The following TPP1 variants were observed in gnomAD, a reference collection of about 807,000 sequenced individuals.
The protein encoded by TPP1 is tripeptidyl-peptidase 1.
Under a neutral mutation model 67.6 loss-of-function variants are expected in TPP1, and 43 were observed. The ratio of observed to expected loss-of-function variants is 0.64; its 90% CI spans 0.50 to 0.82. The LOEUF is 0.82. Ranked by LOEUF, TPP1 falls within the 40% of genes least tolerant of loss-of-function variation. The probability of loss-of-function intolerance (pLI) is 0.00; values close to 1 mark genes in which losing one functional copy is unlikely to be tolerated. For missense variants in TPP1, 671 were observed against 710.9 expected, an observed-to-expected ratio of 0.94 and a Z score of 0.64; for synonymous variants, 272 against 281.5, an observed-to-expected ratio of 0.97 and a Z score of 0.34.
rs781773805 is a variant in TPP1 at position 6,616,406 on chromosome 11, A to G, written c.984T>C (p.Asp328=). ...TGTAGGCGCTGCTGAGGGAGTCCTC[A>G]TCATCTCCATAGCTCACAGTATGCA... ...PHVHTVSYGD[D]EDSLSSAYIQ... Residue 328 remains aspartate, a synonymous_variant, in exon 8 of 13, where the codon GAT becomes GAC. Transcript: ENST00000299427. The G allele has an allele frequency of 6.2e-7, 1 of 1,613,820 alleles. No individual in the cohort carries two copies. The highest frequency in any genetic ancestry group is 8.5e-7 in the Non-Finnish European group (1 of 1,180,016).
rs752605389 is a variant in TPP1 at position 6,618,741 on chromosome 11, G to A, written c.229+35C>T. On this transcript the variant is annotated intron_variant, in intron 3 of 12. Transcript: ENST00000299427. ...CAACCCAGCCCTGTGTCCCTCCACCGCATCCCACATCCTGTCCTCAGTCCC... is the reference window on the plus strand; with the variant it reads ...CAACCCAGCCCTGTGTCCCTCCACCACATCCCACATCCTGTCCTCAGTCCC... 23 of 1,611,580 alleles carry A rather than the reference G, an allele frequency of 1.4e-5. No individual in the cohort carries two copies. In the East Asian group the frequency reaches 2.9e-4, roughly 20 times the overall value.
intron 2 of TPP1, 132 bp downstream of exon 2, chr11:6,619,064 G>A (rs1392420997): frequency 6.8e-7 from 1 of 1,469,004 alleles, no homozygotes; most frequent in Non-Finnish European, 9.4e-7. Context: ...GGGGACTGAG[G>A]CTAGGAACAT....
Position 6,617,657 on chromosome 11 carries a change from G to C in TPP1, c.349C>G (p.Gln117Glu). 6.2e-7 allele frequency: 1 copy of C among 1,614,186 alleles called. No homozygotes were observed. Residue 117 changes from glutamine to glutamate, a missense_variant, in exon 4 of 13, where the codon CAG (glutamine) becomes GAG (glutamate). Physicochemically the swap from Gln to Glu is conservative, Grantham distance 29. Transcript: ENST00000299427. ...CTCAGCCAGCAAGTCAGAAAGTCCT[G>C]TGTGATCACAGAATGGCACTTCTGG... ...GAQKCHSVITQDFLTCWLSIR... is the reference protein window; with the variant it reads ...GAQKCHSVITEDFLTCWLSIR...
rs763492759 is a variant in TPP1, at chr11:6,615,560, G to T, written c.1148C>A (p.Pro383His). The T allele has an allele frequency of 6.2e-7, 1 of 1,614,142 alleles. No individual in the cohort carries two copies. The highest frequency in any genetic ancestry group is 1.1e-5 in the South Asian group (1 of 91,074). The change falls in exon 10 of 13, where the codon CCC (proline) becomes CAC (histidine). Residue 383 changes from proline (P) to histidine (H), a missense_variant and splice_region_variant. Coordinates refer to ENST00000299427, the MANE Select transcript of TPP1 (RefSeq NM_000391.4). ...QFRPTFPASS[P>H]YVTTVGGTSF... ...TGTGCCTCCCACTGTGGTGACATAGGGGCTGAGGGGAGAAGACAGCATTTG... is the reference window on the plus strand; with the variant it reads ...TGTGCCTCCCACTGTGGTGACATAGTGGCTGAGGGGAGAAGACAGCATTTG...
intron 11 of TPP1, 73 bp downstream of exon 11, chr11:6,615,098 G>C: frequency 1.2e-6 from 2 of 1,613,820 alleles, no homozygotes; most frequent in Middle Eastern, 1.6e-4. Context: ...GGGGTTCTAG[G>C]TGCAAGGTGT....
rs765561379 is a variant in TPP1, at chr11:6,615,401, C to T, written c.1266+41G>A. 4.3e-6 allele frequency: 7 copies of T among 1,614,176 alleles called. No homozygotes were observed. The East Asian group carries it at 1.1e-4, about 26-fold the overall frequency. Reference sequence around the variant, plus strand: ...GTCAGCTGAACTGAGGATCCCCCATCCTCACTCTTACCCTGCATCCATCCA... The same window carrying T: ...GTCAGCTGAACTGAGGATCCCCCATTCTCACTCTTACCCTGCATCCATCCA... On this transcript the variant is annotated intron_variant, in intron 10 of 12. Coordinates refer to ENST00000299427, the MANE Select transcript of TPP1 (RefSeq NM_000391.4).
rs1232640261 is a variant in TPP1 at position 6,614,376 on chromosome 11, T to G, written c.*170A>C. On this transcript the variant is annotated 3_prime_UTR_variant, in exon 13 of 13. Transcript: ENST00000299427. ...AGGGAGACCTGAGTATGATGGAGCA[T>G]GGTAGGGTTGGGAGTCAAGTCAAGC... The G allele has an allele frequency of 1.3e-5, 11 of 834,304 alleles. No individual in the cohort carries two copies. Among genetic ancestry groups the G allele is most frequent in the Non-Finnish European group, 1.9e-5 (10 of 525,598 alleles). The allele number at this position is 834,304 out of a possible 1,614,324, so 51.7% of individuals were successfully genotyped here.
chr11:6,617,161 G>A lies in TPP1; in HGVS notation c.509-8C>T, dbSNP rs771299096. 6.2e-7 allele frequency: 1 copy of A among 1,613,972 alleles called. No homozygotes were observed. The highest frequency in any genetic ancestry group is 1.3e-5 in the African/African-American group (1 of 74,880). On this transcript the variant is annotated splice_region_variant and splice_polypyrimidine_tract_variant and intron_variant, in intron 5 of 12. Transcript: ENST00000299427. Reference sequence around the variant, plus strand: ...AACGGTGCAGTCCCCCCACTGTAGGGAGAAGTCAGGCTTGAGGAGATCTTA... The same window carrying A: ...AACGGTGCAGTCCCCCCACTGTAGGAAGAAGTCAGGCTTGAGGAGATCTTA...
At position 6,618,878 on chromosome 11, in the gene TPP1, G is replaced by C. The variant is rs1314595290; in HGVS notation, c.127C>G (p.Pro43Ala). Residue 43 changes from proline to alanine, a missense_variant, in exon 3 of 13, where the codon CCT (proline) becomes GCT (alanine). Pro to Ala is a conservative substitution (Grantham distance 27, BLOSUM62 -1). Transcript: ENST00000299427. ...PGWVSLGRAD[P>A]EEELSLTFAL... ...AAGGTGAGACTCAGCTCTTCCTCAG[G>C]GTCCGCACGGCCCAGGGACACCCAG... The C allele has an allele frequency of 6.2e-7, 1 of 1,613,722 alleles. No individual in the cohort carries two copies. Among genetic ancestry groups the C allele is most frequent in the Non-Finnish European group, 8.5e-7 (1 of 1,180,042 alleles).
At chr11:6,616,566 G>T in intron 7 of TPP1, 63 bp from the exon 8 acceptor site, 1 of 1,601,540 alleles carries the variant, frequency 6.2e-7, no homozygotes. Flanking sequence ...GGGGTTGTCA[G>T]GATCTCTCTC....
chr11:6,617,001 T>C lies in TPP1; in HGVS notation c.661A>G (p.Ser221Gly), dbSNP rs770118313. The C allele has an allele frequency of 6.2e-7, 1 of 1,614,142 alleles. No homozygotes were observed. Among genetic ancestry groups the C allele is most frequent in the South Asian group, 1.1e-5 (1 of 91,082 alleles). Residue 221 changes from serine (S) to glycine (G), a missense_variant, in exon 6 of 13, where the codon AGC (serine) becomes GGC (glycine). By Grantham distance (56) the Ser-to-Gly change is moderately conservative. Coordinates refer to ENST00000299427, the MANE Select transcript of TPP1 (RefSeq NM_000391.4). ...TGGGCACAGGCTTGGCTGTTATTGC[T>C]GGTGCCAGAGCCCACGTCTTGTGAG... ...LTSQDVGSGTSNNSQACAQFL... is the reference protein window; with the variant it reads ...LTSQDVGSGTGNNSQACAQFL...
rs1201568521 is a variant in TPP1 at position 6,615,454 on chromosome 11, C to T, written c.1254G>A (p.Arg418=). Residue 418 remains arginine, a synonymous_variant, in exon 10 of 13, where the codon CGG becomes CGA. Coordinates refer to ENST00000299427, the MANE Select transcript of TPP1 (RefSeq NM_000391.4). ...SGGGFSNVFP[R]PSYQEEAVTK... ...CAAACACACGTACCTGGTATGAAGGCCGTGGGAACACATTGCTGAAGCCAC... is the reference window on the plus strand; with the variant it reads ...CAAACACACGTACCTGGTATGAAGGTCGTGGGAACACATTGCTGAAGCCAC... The T allele has an allele frequency of 1.5e-5, 24 of 1,614,086 alleles. No homozygotes were observed. Among genetic ancestry groups the T allele is most frequent in the African/African-American group, 2.7e-5 (2 of 74,916 alleles).
At chr11:6,615,367 T>G (rs1467234603) in intron 10 of TPP1, 38 bp from the exon 11 acceptor site, 4 of 1,614,054 alleles carry the variant, frequency 2.5e-6, no homozygotes, top group Non-Finnish European at 3.4e-6. Context: ...GCATGTGGCC[T>G]GCCCAGCAGT....
chr11:6,616,245 A>G, intron 8 of TPP1, 70 bp downstream of exon 8: 1 of 1,607,236 alleles, frequency 6.2e-7, no homozygotes, highest in Non-Finnish European at 8.5e-7. Flanking sequence ...AGGCTCAGGG[A>G]TCACTGTGGA....
chr11:6,615,357 G>A (rs749168176), intron 10 of TPP1, 28 bp from the exon 11 acceptor site: 37 of 1,614,016 alleles, frequency 2.3e-5, no homozygotes, highest in Admixed American at 8.3e-5. Context: ...GTGAGTATTG[G>A]CATGTGGCCT....
Position 6,616,943 on chromosome 11 carries a change from A to G in TPP1, c.687+32T>C, listed in dbSNP as rs1800710. Reference sequence around the variant, plus strand: ...GAATTGAGGACACTGTGGGGAGGCTATGAGGACCCTGGGGCTCTTTGCTTG... The same window carrying G: ...GAATTGAGGACACTGTGGGGAGGCTGTGAGGACCCTGGGGCTCTTTGCTTG... On this transcript the variant is annotated intron_variant, in intron 6 of 12. Coordinates refer to ENST00000299427, the MANE Select transcript of TPP1 (RefSeq NM_000391.4). The G allele has an allele frequency of 0.12, 189,716 of 1,613,964 alleles. 12,354 individuals carry two copies. The highest frequency in any genetic ancestry group is 0.19 in the South Asian group (17,109 of 91,078).
Position 6,617,047 on chromosome 11 carries a change from G to A in TPP1, c.615C>T (p.Ile205=). The A allele has an allele frequency of 6.2e-7, 1 of 1,614,154 alleles. No individual in the cohort carries two copies. The highest frequency in any genetic ancestry group is 2.2e-5 in the East Asian group (1 of 44,884). ...GLHLGVTPSV[I]RKRYNLTSQD... ...GTGAGGTCAAGTTGTATCGCTTACG[G>A]ATCACAGAGGGGGTTACCCCCAGAT... Residue 205 remains isoleucine (I), a synonymous_variant, in exon 6 of 13, where the codon ATC becomes ATT. Coordinates refer to ENST00000299427, the MANE Select transcript of TPP1 (RefSeq NM_000391.4).
chr11:6,616,002 T>C lies in TPP1; in HGVS notation c.1145+3A>G, dbSNP rs760845164. The stretch of plus-strand genomic sequence containing the variant: ...TACCTGAGTGGTAGGCTAGAGTACT[T>C]ACCTGGAGGCAGGGAAGGTAGGGCG... On this transcript the variant is annotated splice_donor_region_variant and intron_variant, in intron 9 of 12. Transcript: ENST00000299427. 2.5e-6 allele frequency: 4 copies of C among 1,614,028 alleles called. No individual in the cohort carries two copies. Among genetic ancestry groups the C allele is most frequent in the Middle Eastern group, 1.6e-4 (1 of 6,078 alleles).
At chr11:6,617,545 C>A in intron 4 of TPP1, 81 bp downstream of exon 4, 1 of 1,613,112 alleles carries the variant, frequency 6.2e-7, no homozygotes, top group Non-Finnish European at 8.5e-7. Flanking sequence ...CCCACAAGCC[C>A]CAGCAAGCTC....
Sources: allele counts gnomAD v4.1 joint callset, GRCh38; gene constraint gnomAD v4.1.1; transcripts MANE v1.5; gene names NCBI Gene and HGNC (gene_info 2026-07-23, HGNC 2026-07-21).